The following USP39 variants were observed in gnomAD, a reference collection of about 807,000 sequenced individuals.
USP39 encodes ubiquitin carboxyl-terminal hydrolase 39.
A neutral mutation model predicts 66.4 loss-of-function variants in USP39; 38 were observed. That is an observed-to-expected ratio of 0.57 (90% confidence interval 0.44 to 0.75). The LOEUF is 0.75. Among genes scored for constraint, USP39 ranks in the 30% least tolerant of loss-of-function variants. The probability of loss-of-function intolerance (pLI) is 0.00; values close to 1 mark genes in which losing one functional copy is unlikely to be tolerated. For missense variants in USP39, 608 were observed against 714.4 expected, an observed-to-expected ratio of 0.85 and a Z score of 1.70; for synonymous variants, 303 against 274.6, an observed-to-expected ratio of 1.10 and a Z score of -1.02.
chr2:85,612,376 C>A, upstream of USP39: 1 of 1,535,630 alleles, frequency 6.5e-7, no homozygotes, highest in Non-Finnish European at 8.7e-7. Flanking sequence ...GGATGCTGTG[C>A]AATCCATCGC....
At chr2:85,611,922 C>T, upstream of USP39, 1 of 1,589,318 alleles carries the variant, frequency 6.3e-7, no homozygotes, top group Non-Finnish European at 8.5e-7. Context: ...AGCCGTGGTT[C>T]ATGTCCAGCC....
At chr2:85,632,595 G>A (rs998852771) in intron 6 of USP39, among the ~76,000 whole-genome samples, 3 of 151,650 alleles carry the variant, frequency 2.0e-5, no homozygotes, top group African/African-American at 7.3e-5. Context: ...CTACAGGTGC[G>A]TGCCACCATG....
intron 5 of USP39, among the ~76,000 whole-genome samples, chr2:85,629,416 A>G (rs1376654175): frequency 2.0e-5 from 3 of 151,966 alleles, no homozygotes; most frequent in Non-Finnish European, 2.9e-5. Context: ...TCCTGAAATT[A>G]ATACGGCTAG....
chr2:85,639,011 C>A (rs940578018), intron 8 of USP39, among the ~76,000 whole-genome samples, 192 bp from the exon 9 acceptor site: 1 of 152,006 alleles, frequency 6.6e-6, no homozygotes, highest in African/African-American at 2.4e-5. Flanking sequence ...AGCAAAATAT[C>A]TTTAAAGAAG....
rs571821479 is a variant in USP39 at position 85,648,829 on chromosome 2, C to T, written c.*21C>T. On this transcript the variant is annotated 3_prime_UTR_variant, in exon 13 of 13. Transcript: ENST00000323701. ...CTTGAAGGAGGCGTCTAGGGCTTTGCTCCCAAGGGCTGTGGCTGATGATGG... is the reference window on the plus strand; with the variant it reads ...CTTGAAGGAGGCGTCTAGGGCTTTGTTCCCAAGGGCTGTGGCTGATGATGG... The T allele has an allele frequency of 5.6e-6, 9 of 1,613,734 alleles. No homozygotes were observed. The African/African-American group carries it at 9.3e-5, about 17-fold the overall frequency.
chr2:85,642,709 T>C (rs1196450406), intron 10 of USP39, among the ~76,000 whole-genome samples: 1 of 152,258 alleles, frequency 6.6e-6, no homozygotes, highest in African/African-American at 2.4e-5. Flanking sequence ...AATACAATTC[T>C]GGATCATTTC....
chr2:85,605,027 A>G (rs1264740674), intron 1 of USP39, among the ~76,000 whole-genome samples: 1 of 152,236 alleles, frequency 6.6e-6, no homozygotes, highest in Non-Finnish European at 1.5e-5. Context: ...GGAATTGTGT[A>G]TCATGTAAGA....
upstream of USP39, chr2:85,610,285 G>A: frequency 6.6e-6 from 1 of 152,254 alleles, no homozygotes. Context: ...AAACTGCTAG[G>A]ATCACAGGCA....
intron 6 of USP39, among the ~76,000 whole-genome samples, chr2:85,631,228 T>C (rs535506090): frequency 2.4e-4 from 36 of 152,024 alleles, no homozygotes; most frequent in African/African-American, 8.2e-4. Context: ...TTGGCCAGGC[T>C]GATCTCGAAC....
At chr2:85,646,065 C>T (rs1222110211) in intron 11 of USP39, 1 of 152,210 alleles carries the variant, frequency 6.6e-6, no homozygotes, top group African/African-American at 2.4e-5. Context: ...TAGAAATCAG[C>T]TTGTTAGAAA....
upstream of USP39, chr2:85,611,928 C>T (rs1270998257): frequency 2.5e-6 from 4 of 1,588,038 alleles, no homozygotes; most frequent in Non-Finnish European, 3.4e-6. Flanking sequence ...GGTTCATGTC[C>T]AGCCGCCCCC....
At chr2:85,623,828 C>T in intron 4 of USP39, 46 bp downstream of exon 4, 1 of 1,558,634 alleles carries the variant, frequency 6.4e-7, no homozygotes, top group Non-Finnish European at 8.7e-7. Context: ...TTTAATGAGC[C>T]ATCCCAGGGC....
At chr2:85,637,217 T>C (rs558914513) in intron 7 of USP39, 152 bp from the exon 8 acceptor site, 1 of 702,930 alleles carries the variant, frequency 1.4e-6, no homozygotes, top group African/African-American at 1.8e-5. Flanking sequence ...CCTGGTGGTA[T>C]ATAGTACAAA....
rs140235102 is a variant in USP39, at chr2:85,639,511, G to A, written c.1284+120G>A. On this transcript the variant is annotated intron_variant, in intron 9 of 12. Coordinates refer to ENST00000323701, the MANE Select transcript of USP39 (RefSeq NM_006590.4). ...CTCTTGTCGCCCAGGCTGGAGTGCA[G>A]TGGCGTGATTTCGGCTGACTGCAAT... The A allele has an allele frequency of 6.6e-3, 7,204 of 1,093,096 alleles. 94 individuals are homozygous for A. Among genetic ancestry groups the A allele is most frequent in the African/African-American group, 0.043 (2,625 of 60,882 alleles). 67.7% of individuals were successfully genotyped at this position (1,093,096 alleles called of 1,614,324 possible).
Position 85,632,037 on chromosome 2 carries a change from C to T in USP39, c.949+1091C>T, listed in dbSNP as rs533384277. Among the ~76,000 whole-genome samples the T allele has an allele frequency of 1.2e-4, 18 of 152,268 alleles. 1 individual carries two copies. The South Asian group carries it at 2.9e-3, about 25-fold the overall frequency. The stretch of plus-strand genomic sequence containing the variant: ...GATTACGGGTGTGAGCCACTGCGCC[C>T]GGCCTCTGATGAACTATTTTGACTG... On this transcript the variant is annotated intron_variant, in intron 6 of 12. Transcript: ENST00000323701.
chr2:85,643,106 T>G (rs1676367624), intron 10 of USP39, among the ~76,000 whole-genome samples: 1 of 152,038 alleles, frequency 6.6e-6, no homozygotes, highest in Admixed American at 6.6e-5. Context: ...AGTTTGCTCC[T>G]TTTCCTATTT....
At chr2:85,632,339 T>C (rs1257496532) in intron 6 of USP39, among the ~76,000 whole-genome samples, 1 of 152,130 alleles carries the variant, frequency 6.6e-6, no homozygotes, top group Non-Finnish European at 1.5e-5. Flanking sequence ...GAGTATTGCT[T>C]GAGCCCAGGA....
intron 6 of USP39, among the ~76,000 whole-genome samples, 194 bp downstream of exon 6, chr2:85,631,140 A>G (rs1675297230): frequency 6.6e-6 from 1 of 151,724 alleles, no homozygotes; most frequent in South Asian, 2.1e-4. Flanking sequence ...TCAGCCTCCC[A>G]AGTAGCTGGG....
upstream of USP39, among the ~76,000 whole-genome samples, chr2:85,613,210 T>C (rs980818340): frequency 6.6e-6 from 1 of 151,300 alleles, no homozygotes; most frequent in Non-Finnish European, 1.5e-5. Flanking sequence ...AAAAAATACA[T>C]TAAAAAAGAA....
Sources: allele counts gnomAD v4.1 joint callset (sites outside exome capture counted in the v4.1 genomes callset), GRCh38; gene constraint gnomAD v4.1.1; transcripts MANE v1.5; gene names NCBI Gene and HGNC (gene_info 2026-07-23, HGNC 2026-07-21).